The following GPC5 variants were observed in gnomAD, a reference collection of about 807,000 sequenced individuals.
GPC5 encodes glypican 5, also known as glypican-5.
GPC5 carries 47 observed loss-of-function variants against 53.9 expected under a neutral mutation model. That is an observed-to-expected ratio of 0.87 (90% CI 0.69 to 1.11). The LOEUF (loss-of-function observed/expected upper bound fraction) is 1.11. Ranked by LOEUF, GPC5 falls within the 50% of genes most tolerant of loss-of-function variation. The probability of loss-of-function intolerance (pLI) is 0.00; values close to 1 mark genes in which losing one functional copy is unlikely to be tolerated. For synonymous variants in GPC5, 286 were observed against 263.3 expected, an observed-to-expected ratio of 1.09 and a Z score of -0.84; for missense variants, 748 against 713.1, an observed-to-expected ratio of 1.05 and a Z score of -0.56.
intron 7 of GPC5, among the ~76,000 whole-genome samples, chr13:92,560,653 C>G (rs1882662897): frequency 6.6e-6 from 1 of 151,862 alleles, no homozygotes; most frequent in Admixed American, 6.6e-5. Context: ...TGGAAAGGTC[C>G]CAGTTTAGAA....
intron 6 of GPC5, among the ~76,000 whole-genome samples, chr13:91,951,075 AAG>A (rs1463979796): frequency 3.3e-5 from 5 of 152,190 alleles, no homozygotes; most frequent in Non-Finnish European, 5.9e-5. Flanking sequence ...CAGCTAGTTT[AAG>A]AGCTCCTTGA....
At chr13:91,695,627 G>T (rs981688807) in intron 3 of GPC5, among the ~76,000 whole-genome samples, 1 of 151,852 alleles carries the variant, frequency 6.6e-6, no homozygotes, top group Non-Finnish European at 1.5e-5. Context: ...TGCCCGCCTC[G>T]GCCTCCCAAA....
rs1566515511 is a variant in GPC5, at chr13:91,571,824, T to TGTATACACAC, written c.326-121363_326-121362insGTATACACAC. Among the ~76,000 whole-genome samples the TGTATACACAC allele has an allele frequency of 1.4e-3, 112 of 82,062 alleles. 23 individuals are homozygous for TGTATACACAC. Among genetic ancestry groups the TGTATACACAC allele is most frequent in the Middle Eastern group, 0.017 (2 of 120 alleles). 53.8% of individuals were successfully genotyped at this position (82,062 alleles called of 152,430 possible). A position where few individuals can be genotyped will look rare whatever the true frequency, so the allele number is the denominator to read the frequency against. ...ATATACACACACATACGTGTGTGTA[T>TGTATACACAC]ATATACACATATACTTGTGTGTATA... On this transcript the variant is annotated intron_variant, in intron 2 of 7. Coordinates refer to ENST00000377067, the MANE Select transcript of GPC5 (RefSeq NM_004466.6).
chr13:91,551,770 G>C (rs892268951), intron 2 of GPC5, among the ~76,000 whole-genome samples: 1 of 151,974 alleles, frequency 6.6e-6, no homozygotes, highest in Non-Finnish European at 1.5e-5. Context: ...GAATGTATTT[G>C]GTTCTTAACA....
At chr13:91,536,729 C>G (rs1195642292) in intron 2 of GPC5, among the ~76,000 whole-genome samples, 1 of 152,124 alleles carries the variant, frequency 6.6e-6, no homozygotes, top group African/African-American at 2.4e-5. Flanking sequence ...AGGGTCCACC[C>G]CAATGTCTCA....
At chr13:91,506,003 A>G (rs1036590576) in intron 2 of GPC5, among the ~76,000 whole-genome samples, 3 of 152,078 alleles carry the variant, frequency 2.0e-5, no homozygotes, top group African/African-American at 7.2e-5. Context: ...CAAAGGTGAT[A>G]TATTTGTGTT....
chr13:92,673,320 C>T lies in GPC5; in HGVS notation c.1562-192962C>T, dbSNP rs558677763. ...TTTTTGAGATGGAATCTCGCTCTGT[C>T]GCCCAGGCTGGAGTGCAGTGGCATG... is the stretch of plus-strand genomic sequence containing the variant. On this transcript the variant is annotated intron_variant, in intron 7 of 7. Coordinates refer to ENST00000377067, the MANE Select transcript of GPC5 (RefSeq NM_004466.6). Among the ~76,000 whole-genome samples the T allele has an allele frequency of 8.1e-5, 12 of 148,446 alleles. No homozygotes were observed. The South Asian group carries it at 2.5e-3, about 31-fold the overall frequency.
At chr13:91,691,862 C>T (rs117235498) in intron 2 of GPC5, among the ~76,000 whole-genome samples, 23 of 152,176 alleles carry the variant, frequency 1.5e-4, no homozygotes, top group Non-Finnish European at 2.6e-4. Flanking sequence ...TAAGTTATTG[C>T]GTGATCTTTT....
intron 7 of GPC5, among the ~76,000 whole-genome samples, chr13:92,377,675 AT>A (rs934735661): frequency 7.2e-5 from 11 of 152,178 alleles, no homozygotes; most frequent in East Asian, 3.9e-4. Flanking sequence ...ATCACATATT[AT>A]TTTTTTACTA....
At chr13:92,817,899 A>G (rs1359058850) in intron 7 of GPC5, among the ~76,000 whole-genome samples, 1 of 152,004 alleles carries the variant, frequency 6.6e-6, no homozygotes, top group African/African-American at 2.4e-5. Context: ...GAATATTCTG[A>G]ATGAAAAAAT....
chr13:92,695,454 T>A (rs891305221), intron 7 of GPC5, among the ~76,000 whole-genome samples: 1 of 152,194 alleles, frequency 6.6e-6, no homozygotes, highest in African/African-American at 2.4e-5. Context: ...TTTCTATGGG[T>A]GATAACAGCA....
chr13:92,480,237 T>C (rs557084241), intron 7 of GPC5, among the ~76,000 whole-genome samples: 2 of 152,306 alleles, frequency 1.3e-5, no homozygotes, highest in East Asian at 1.9e-4. Context: ...GGTGCTAAGA[T>C]TTGTATGGAG....
chr13:92,592,160 G>A lies in GPC5; in HGVS notation c.1562-274122G>A, dbSNP rs897316488. ...GCTCCTGTCAACCCATGTAACCTTC[G>A]CTTATATTTCAGTCATCCACATCCC... On this transcript the variant is annotated intron_variant, in intron 7 of 7. Transcript: ENST00000377067. Among the ~76,000 whole-genome samples the A allele has an allele frequency of 3.0e-4, 46 of 152,118 alleles. 4 individuals carry two copies. Among genetic ancestry groups the A allele is most frequent in the African/African-American group, 2.4e-5 (1 of 41,412 alleles).
chr13:91,504,914 C>T (rs1320713169), intron 2 of GPC5, among the ~76,000 whole-genome samples: 1 of 152,124 alleles, frequency 6.6e-6, no homozygotes, highest in Non-Finnish European at 1.5e-5. Flanking sequence ...GACTTTGTCA[C>T]TGCACTCCAG....
intron 2 of GPC5, among the ~76,000 whole-genome samples, chr13:91,678,737 G>T (rs981176373): frequency 3.5e-5 from 5 of 144,460 alleles, no homozygotes; most frequent in African/African-American, 7.6e-5. Context: ...AGGAGTTTTT[G>T]TTTTTTTTTT....
At chr13:92,431,948 G>A (rs530449130) in intron 7 of GPC5, among the ~76,000 whole-genome samples, 10 of 152,280 alleles carry the variant, frequency 6.6e-5, no homozygotes, top group South Asian at 4.1e-4. Flanking sequence ...AAAAATGAAG[G>A]CATCAAGGAT....
At chr13:91,452,370 G>A (rs1451387838) in intron 2 of GPC5, among the ~76,000 whole-genome samples, 1 of 152,206 alleles carries the variant, frequency 6.6e-6, no homozygotes, top group African/African-American at 2.4e-5. Context: ...ATTTTATAGG[G>A]CAGAAAAAGA....
chr13:91,920,924 C>CTTTTTT (rs1447586700), intron 6 of GPC5, among the ~76,000 whole-genome samples: 10 of 59,590 alleles, frequency 1.7e-4, no homozygotes, highest in African/African-American at 5.5e-4. Context: ...CTCTCTCTCT[C>CTTTTTT]TCTTTTTTTT....
chr13:92,016,972 C>A (rs1359595413), intron 6 of GPC5, among the ~76,000 whole-genome samples: 1 of 152,100 alleles, frequency 6.6e-6, no homozygotes, highest in African/African-American at 2.4e-5. Flanking sequence ...GGTGAAAGTA[C>A]TGTCTCCACT....
Sources: allele counts gnomAD v4.1 joint callset (sites outside exome capture counted in the v4.1 genomes callset), GRCh38; gene constraint gnomAD v4.1.1; transcripts MANE v1.5; gene names NCBI Gene and HGNC (gene_info 2026-07-23, HGNC 2026-07-21).